Variants in ATP2B2 observed in about 807,000 individuals in gnomAD.
The protein encoded by ATP2B2 is ATPase plasma membrane Ca2+ transporting 2.
A neutral mutation model predicts 120.0 loss-of-function variants in ATP2B2; 15 were observed. The observed-to-expected ratio is 0.12, with a 90% CI of 0.08 to 0.19. ATP2B2 has a LOEUF of 0.19. ATP2B2 is among the 10% of genes least tolerant of loss of function. The pLI, the probability that ATP2B2 is intolerant of heterozygous loss-of-function variation, is 1.00. For synonymous variants in ATP2B2, 694 were observed against 700.3 expected, an observed-to-expected ratio of 0.99 and a Z score of 0.14; for missense variants, 1,045 against 1,719.8, an observed-to-expected ratio of 0.61 and a Z score of 6.94.
chr3:10,613,186 T>C (rs1396475973), intron 2 of ATP2B2, among the ~76,000 whole-genome samples: 1 of 152,090 alleles, frequency 6.6e-6, no homozygotes, highest in African/African-American at 2.4e-5. Flanking sequence ...TCCTGGGAGG[T>C]GATGTGCCTT....
intron 1 of ATP2B2, among the ~76,000 whole-genome samples, chr3:10,674,169 T>G (rs1384339151): frequency 6.6e-6 from 1 of 152,104 alleles, no homozygotes; most frequent in African/African-American, 2.4e-5. Flanking sequence ...GGGAACCATT[T>G]GGGGGTGGCC....
At chr3:10,434,161 C>G (rs34857) in intron 2 of ATP2B2, among the ~76,000 whole-genome samples, 143,010 of 152,360 alleles carry the variant, frequency 0.94, 67,173 homozygotes, top group East Asian at 1. Flanking sequence ...AACATCTATA[C>G]TCTCAGGGCA....
rs189284615 is a variant in ATP2B2 at position 10,545,691 on chromosome 3, T to C, written c.-414-11558A>G. On this transcript the variant is annotated intron_variant, in intron 2 of 21. Coordinates refer to the ATP2B2 transcript ENST00000646379. Reference sequence around the variant, plus strand: ...TGGGAATGCAGACATCATTTGATCATAAAGATGTTCATCATGGTGTTCTCT... The same window carrying C: ...TGGGAATGCAGACATCATTTGATCACAAAGATGTTCATCATGGTGTTCTCT... Among the ~76,000 whole-genome samples, 225 of 152,348 alleles carry C rather than the reference T, an allele frequency of 1.5e-3. 1 individual carries two copies. The highest frequency in any genetic ancestry group is 5.2e-3 in the African/African-American group (217 of 41,570).
chr3:10,426,853 G>A (rs571169559), intron 2 of ATP2B2, among the ~76,000 whole-genome samples: 9 of 151,580 alleles, frequency 5.9e-5, no homozygotes, highest in African/African-American at 1.5e-4. Context: ...AGAATTTTGC[G>A]GGGGATAGGA....
intron 2 of ATP2B2, among the ~76,000 whole-genome samples, chr3:10,417,079 C>T (rs1323437156): frequency 6.9e-5 from 5 of 72,624 alleles, no homozygotes; most frequent in African/African-American, 3.6e-4. Flanking sequence ...CGGGGGGGGG[C>T]GGGCAGAGGG....
intron 1 of ATP2B2, among the ~76,000 whole-genome samples, chr3:10,634,875 C>T (rs760078920): frequency 6.6e-6 from 1 of 152,216 alleles, no homozygotes; most frequent in Non-Finnish European, 1.5e-5. Flanking sequence ...CTATTCCTAA[C>T]TATGAGCTTC....
At chr3:10,623,054 C>CT (rs34097914) in intron 1 of ATP2B2, among the ~76,000 whole-genome samples, 66,991 of 106,356 alleles carry the variant, frequency 0.63, 22,782 homozygotes, top group Middle Eastern at 0.78. Flanking sequence ...TTGGTCAGCT[C>CT]TTTTTTTTTT....
In ATP2B2 at chr3:10,666,772, G is replaced by A. The variant is rs550935301; in HGVS notation, c.-460+41143C>T. Among the ~76,000 whole-genome samples, 180 of 152,322 alleles carry A rather than the reference G, an allele frequency of 1.2e-3. 1 individual carries two copies. Among genetic ancestry groups the A allele is most frequent in the African/African-American group, 4.1e-3 (169 of 41,574 alleles). ...CTCTTGCTCCACTGGAGGAGTGCCC[G>A]GAAGTGGCAGAGAGGCACGAAGCCC... On this transcript the variant is annotated intron_variant, in intron 1 of 21. Transcript: ENST00000646379.
In ATP2B2 at chr3:10,703,139, C is replaced by T. The variant is rs376440033; in HGVS notation, c.-460+4776G>A. On this transcript the variant is annotated intron_variant, in intron 1 of 21. Coordinates refer to the ATP2B2 transcript ENST00000646379. ...AGGTCTCTCCCCTGGAGACAATCCTCAGCGGCTCACTCCAGCCTTTGCCCG... is the reference window on the plus strand; with the variant it reads ...AGGTCTCTCCCCTGGAGACAATCCTTAGCGGCTCACTCCAGCCTTTGCCCG... 7.2e-5 allele frequency among the ~76,000 whole-genome samples: 11 copies of T among 152,226 alleles called. No individual in the cohort carries two copies. In the East Asian group the frequency reaches 1.5e-3, roughly 21 times the overall value.
At chr3:10,366,039 T>C (rs970386994) in intron 12 of ATP2B2, among the ~76,000 whole-genome samples, 3 of 152,124 alleles carry the variant, frequency 2.0e-5, no homozygotes, top group Non-Finnish European at 2.9e-5. Flanking sequence ...CTGTTTCACA[T>C]ACCCCAGGGC....
In ATP2B2 at chr3:10,345,884, C is replaced by G. The variant is rs2125394077; in HGVS notation, c.2511+147G>C. 3 of 821,402 alleles carry G rather than the reference C, an allele frequency of 3.7e-6. No homozygotes were observed. In the South Asian group the frequency reaches 5.0e-5, roughly 14 times the overall value. 50.9% of individuals were successfully genotyped at this position (821,402 alleles called of 1,614,324 possible). On this transcript the variant is annotated intron_variant, in intron 17 of 22. Coordinates refer to ENST00000360273, the MANE Select transcript of ATP2B2 (RefSeq NM_001001331.4). Reference sequence around the variant, plus strand: ...TGCCTTTCCAGGAAGACCTCGGGGTCAGGCTGAGTCTCGAGAAGGGTGGGC... The same window carrying G: ...TGCCTTTCCAGGAAGACCTCGGGGTGAGGCTGAGTCTCGAGAAGGGTGGGC...
chr3:10,419,617 T>C (rs1338027933), intron 2 of ATP2B2, among the ~76,000 whole-genome samples: 1 of 152,224 alleles, frequency 6.6e-6, no homozygotes, highest in African/African-American at 2.4e-5. Context: ...CGAGGGGCCT[T>C]GGGCTGTCTC....
chr3:10,445,831 T>A (rs2063818858), intron 2 of ATP2B2, among the ~76,000 whole-genome samples: 2 of 152,178 alleles, frequency 1.3e-5, no homozygotes, highest in South Asian at 4.1e-4. Flanking sequence ...TCCCTGTGTC[T>A]GGAGCTGGCA....
intron 13 of ATP2B2, 61 bp downstream of exon 13, chr3:10,359,821 C>A: frequency 6.2e-6 from 10 of 1,610,920 alleles, no homozygotes; most frequent in Non-Finnish European, 7.6e-6. Flanking sequence ...ATGACCCTGA[C>A]ATCCCCAGCT....
At chr3:10,409,822 G>A (rs2062545555) in intron 3 of ATP2B2, among the ~76,000 whole-genome samples, 1 of 152,194 alleles carries the variant, frequency 6.6e-6, no homozygotes, top group Admixed American at 6.5e-5. Flanking sequence ...TGAAGGTGTA[G>A]TAGGGTTATC....
intron 1 of ATP2B2, among the ~76,000 whole-genome samples, chr3:10,706,291 A>G (rs1403311057): frequency 2.6e-5 from 4 of 152,188 alleles, no homozygotes; most frequent in Non-Finnish European, 5.9e-5. Context: ...AGGTGTGGAG[A>G]AGAGTGGTAC....
At chr3:10,401,417 AG>A (rs1277949510) in intron 4 of ATP2B2, among the ~76,000 whole-genome samples, 2 of 152,162 alleles carry the variant, frequency 1.3e-5, no homozygotes, top group Non-Finnish European at 2.9e-5. Flanking sequence ...GTTATGGTTT[AG>A]GGGAAATATT....
chr3:10,663,872 G>A lies in ATP2B2; in HGVS notation c.-459-43911C>T, dbSNP rs1269839472. Among the ~76,000 whole-genome samples the A allele has an allele frequency of 3.3e-5, 5 of 152,122 alleles. 1 individual carries two copies. The South Asian group carries it at 1.0e-3, about 32-fold the overall frequency. ...TCTTTCAGAAGACTTTGGACTCTTCGAAGACAGGGTCAGGTCTCCTCTATC... is the reference window on the plus strand; with the variant it reads ...TCTTTCAGAAGACTTTGGACTCTTCAAAGACAGGGTCAGGTCTCCTCTATC... On this transcript the variant is annotated intron_variant, in intron 1 of 21. Transcript: ENST00000646379.
intron 1 of ATP2B2, among the ~76,000 whole-genome samples, chr3:10,468,301 G>T (rs2064838630): frequency 6.6e-6 from 1 of 152,242 alleles, no homozygotes; most frequent in South Asian, 2.1e-4. Context: ...CAGTACAGGG[G>T]CCATGGCTGG....
Sources: gnomAD v4.1 joint callset for allele counts (sites outside exome capture counted in the v4.1 genomes callset) on GRCh38, gnomAD v4.1.1 for gene constraint, MANE v1.5 for transcripts, NCBI Gene and HGNC (gene_info 2026-07-23, HGNC 2026-07-21) for gene names.